Variants in BRI3BP observed in about 807,000 individuals in gnomAD.
The protein encoded by BRI3BP is BRI3-binding protein.
BRI3BP carries 7 observed loss-of-function variants against 15.8 expected under a neutral mutation model. The ratio of observed to expected loss-of-function variants is 0.44; its 90% CI spans 0.25 to 0.83. The LOEUF (loss-of-function observed/expected upper bound fraction) is 0.83. Ranked by LOEUF, BRI3BP falls within the 40% of genes least tolerant of loss-of-function variation. The pLI is 0.20. For synonymous variants in BRI3BP, 192 were observed against 163.5 expected, an observed-to-expected ratio of 1.17 and a Z score of -1.33; for missense variants, 320 against 339.3, an observed-to-expected ratio of 0.94 and a Z score of 0.45.
intron 1 of BRI3BP, among the ~76,000 whole-genome samples, chr12:125,001,169 C>T (rs1955088029): frequency 6.6e-6 from 1 of 152,064 alleles, no homozygotes; most frequent in Non-Finnish European, 1.5e-5. Context: ...ATTCTCCTGC[C>T]TCAGCCTCCC....
In BRI3BP at chr12:125,027,341, G is replaced by A. The variant is rs1280505542; in HGVS notation, c.*1911G>A. ...TTCCTGAAACGTGCACCTGTTTCAG[G>A]TGCATGTTTATTCAGTGTGCATGGA... is the stretch of plus-strand genomic sequence containing the variant. On this transcript the variant is annotated 3_prime_UTR_variant, in exon 3 of 3. Coordinates refer to ENST00000341446, the MANE Select transcript of BRI3BP (RefSeq NM_080626.6). 1.3e-5 allele frequency: 2 copies of A among 152,054 alleles called. No individual in the cohort carries two copies. Among genetic ancestry groups the A allele is most frequent in the African/African-American group, 4.8e-5 (2 of 41,414 alleles). The allele number at this position is 152,054 out of a possible 1,614,324, so 9.4% of individuals were successfully genotyped here. A position where few individuals can be genotyped will look rare whatever the true frequency, so the allele number is the denominator to read the frequency against.
Position 125,017,576 on chromosome 12 carries a change from A to G in BRI3BP, c.316+4940A>G, listed in dbSNP as rs75552373. On this transcript the variant is annotated intron_variant, in intron 2 of 2. Transcript: ENST00000341446. Reference sequence around the variant, plus strand: ...AACTAAGGCCTTTGAGACAGTCTCTATTTGACACTTAGAGCGCACATCAGT... The same window carrying G: ...AACTAAGGCCTTTGAGACAGTCTCTGTTTGACACTTAGAGCGCACATCAGT... Among the ~76,000 whole-genome samples the G allele has an allele frequency of 4.5e-3, 681 of 152,308 alleles. 9 individuals are homozygous for G. The highest frequency in any genetic ancestry group is 0.015 in the African/African-American group (633 of 41,562).
intron 2 of BRI3BP, among the ~76,000 whole-genome samples, chr12:125,024,166 G>A (rs1450653201): frequency 6.6e-6 from 1 of 152,190 alleles, no homozygotes; most frequent in Non-Finnish European, 1.5e-5. Flanking sequence ...GAAGGCAAAG[G>A]AGAAGCAAGC....
Position 125,021,850 on chromosome 12 carries a change from T to A in BRI3BP, c.317-3141T>A, listed in dbSNP as rs1188837448. Among the ~76,000 whole-genome samples, 9 of 151,950 alleles carry A rather than the reference T, an allele frequency of 5.9e-5. No individual in the cohort carries two copies. The East Asian group carries it at 9.7e-4, about 16-fold the overall frequency. ...CCTACCAGGTCCCTCCCTGGACACGTGGGGATTACAATTTGAAATTAGATT... is the reference window on the plus strand; with the variant it reads ...CCTACCAGGTCCCTCCCTGGACACGAGGGGATTACAATTTGAAATTAGATT... On this transcript the variant is annotated intron_variant, in intron 2 of 2. Transcript: ENST00000341446.
chr12:124,998,801 G>A (rs1176401815), intron 1 of BRI3BP, among the ~76,000 whole-genome samples: 1 of 152,154 alleles, frequency 6.6e-6, no homozygotes, highest in Non-Finnish European at 1.5e-5. Flanking sequence ...AATTGGCCTG[G>A]TGCAGTGGCT....
chr12:125,006,377 C>T (rs962543940), intron 1 of BRI3BP, among the ~76,000 whole-genome samples: 2 of 152,226 alleles, frequency 1.3e-5, no homozygotes, highest in African/African-American at 4.8e-5. Flanking sequence ...GGATCCTCCC[C>T]GAATTCACCC....
At chr12:125,039,914 G>A in the BRI3BP span, among the ~76,000 whole-genome samples, 1 of 152,220 alleles carries the variant, frequency 6.6e-6, no homozygotes, top group African/African-American at 2.4e-5. Context: ...AGCTGCAAAA[G>A]CGGAGATGAG....
intron 1 of BRI3BP, among the ~76,000 whole-genome samples, chr12:125,003,306 A>C (rs1432701006): frequency 1.3e-5 from 2 of 152,160 alleles, no homozygotes; most frequent in Non-Finnish European, 2.9e-5. Context: ...TGCTGCAAGA[A>C]GAGCGCTGAT....
chr12:125,024,971 T>A lies in BRI3BP; in HGVS notation c.317-20T>A. ...CTGGCCCCTGCGTAACGAGCCCTGTTCCTCTTTTCTGTCCCGCAGTCTCCA... is the reference window on the plus strand; with the variant it reads ...CTGGCCCCTGCGTAACGAGCCCTGTACCTCTTTTCTGTCCCGCAGTCTCCA... On this transcript the variant is annotated intron_variant, in intron 2 of 2. Coordinates refer to ENST00000341446, the MANE Select transcript of BRI3BP (RefSeq NM_080626.6). The A allele has an allele frequency of 6.3e-7, 1 of 1,595,018 alleles. No homozygotes were observed. The highest frequency in any genetic ancestry group is 1.3e-5 in the African/African-American group (1 of 74,514).
chr12:125,038,506 C>T, the BRI3BP span, among the ~76,000 whole-genome samples: 1 of 151,222 alleles, frequency 6.6e-6, no homozygotes, highest in African/African-American at 2.4e-5. Context: ...TGGCTCATGC[C>T]TGTAATCCCA....
At chr12:124,999,656 C>T (rs12821461) in intron 1 of BRI3BP, among the ~76,000 whole-genome samples, 8,883 of 150,030 alleles carry the variant, frequency 0.059, 391 homozygotes, top group Admixed American at 0.14. Flanking sequence ...CTCCCTCTGT[C>T]GCCCAGGCTG....
At chr12:125,008,559 G>A (rs535352621) in intron 1 of BRI3BP, among the ~76,000 whole-genome samples, 6 of 151,784 alleles carry the variant, frequency 4.0e-5, no homozygotes, top group South Asian at 2.1e-4. Flanking sequence ...TGATCCGCCC[G>A]CCTCGGCCTC....
chr12:125,002,694 G>T lies in BRI3BP; in HGVS notation c.213+8691G>T, dbSNP rs189524905. On this transcript the variant is annotated intron_variant, in intron 1 of 2. Coordinates refer to ENST00000341446, the MANE Select transcript of BRI3BP (RefSeq NM_080626.6). ...GATGGTCTCGATCTCCTGACCTCGT[G>T]ATCCACTCACCTTGGCCTCCCAAAG... Among the ~76,000 whole-genome samples the T allele has an allele frequency of 3.1e-4, 47 of 152,266 alleles. 1 individual carries two copies. The highest frequency in any genetic ancestry group is 1.1e-3 in the African/African-American group (46 of 41,556).
downstream of BRI3BP, among the ~76,000 whole-genome samples, chr12:125,035,280 C>T (rs982336075): frequency 2.0e-5 from 3 of 152,190 alleles, no homozygotes; most frequent in Non-Finnish European, 4.4e-5. Flanking sequence ...GTGGTTGTAG[C>T]ATTTTACATT....
At chr12:125,019,660 C>CTTTTTTTTTTTTTTT (rs1955278838) in intron 2 of BRI3BP, among the ~76,000 whole-genome samples, 543 of 24,492 alleles carry the variant, frequency 0.022, 48 homozygotes, top group South Asian at 0.028. Flanking sequence ...TTTTTTTTGC[C>CTTTTTTTTTTTTTTT]TTTTTTGCTG....
chr12:125,032,315 G>T (rs905922175), downstream of BRI3BP, among the ~76,000 whole-genome samples: 12 of 152,204 alleles, frequency 7.9e-5, no homozygotes, highest in Non-Finnish European at 1.5e-4. Context: ...GCAATTAGCC[G>T]GGCGTGGTGG....
At chr12:125,039,019 G>C in the BRI3BP span, among the ~76,000 whole-genome samples, 9 of 152,314 alleles carry the variant, frequency 5.9e-5, no homozygotes, top group African/African-American at 1.7e-4. Flanking sequence ...GAACCTGGGA[G>C]GGGGAGGTTG....
intron 1 of BRI3BP, among the ~76,000 whole-genome samples, chr12:125,009,568 G>T (rs1955178683): frequency 6.6e-6 from 1 of 152,028 alleles, no homozygotes; most frequent in African/African-American, 2.4e-5. Context: ...GAGATTACAG[G>T]CGTGAGCCAC....
Position 125,025,101 on chromosome 12 carries a change from C to G in BRI3BP, c.427C>G (p.Leu143Val). 1 of 1,614,010 alleles carries G rather than the reference C, an allele frequency of 6.2e-7. No homozygotes were observed. The highest frequency in any genetic ancestry group is 8.5e-7 in the Non-Finnish European group (1 of 1,180,040). Residue 143 changes from leucine (L) to valine (V), a missense_variant, in exon 3 of 3, where the codon CTG (leucine) becomes GTG (valine). Leu to Val is a conservative substitution (Grantham distance 32). Coordinates refer to ENST00000341446, the MANE Select transcript of BRI3BP (RefSeq NM_080626.6). ...LLAYWFLSLT[L>V]GFTFSVLHVV... Reference sequence around the variant, plus strand: ...GGCCTACTGGTTCTTGTCCCTGACCCTGGGCTTCACTTTCAGCGTCCTGCA... The same window carrying G: ...GGCCTACTGGTTCTTGTCCCTGACCGTGGGCTTCACTTTCAGCGTCCTGCA...
Sources: gnomAD v4.1 joint callset for allele counts (sites outside exome capture counted in the v4.1 genomes callset) on GRCh38, gnomAD v4.1.1 for gene constraint, MANE v1.5 for transcripts, NCBI Gene and HGNC (gene_info 2026-07-23, HGNC 2026-07-21) for gene names.